IL4I1: variants seen among roughly 807,000 people sequenced by gnomAD.
IL4I1 encodes the protein L-amino-acid oxidase.
In IL4I1, 24 loss-of-function variants were observed where a neutral mutation model predicts 29.7. The observed-to-expected ratio is 0.81, with a 90% CI of 0.59 to 1.14. The LOEUF (loss-of-function observed/expected upper bound fraction) is 1.14, where lower values mean the gene tolerates loss of function less well. Among genes scored for constraint, IL4I1 ranks in the 50% most tolerant of loss-of-function variants. The probability of loss-of-function intolerance (pLI) is 0.00; values close to 1 mark genes in which losing one functional copy is unlikely to be tolerated. For missense variants in IL4I1, 686 were observed against 785.6 expected (o/e 0.87, Z 1.52); for synonymous variants, 371 against 352.5 (o/e 1.05, Z -0.59).
At chr19:49,923,491 T>A (rs1356072805) in intron 2 of IL4I1, among the ~76,000 whole-genome samples, 1 of 152,168 alleles carries the variant, frequency 6.6e-6, no homozygotes, top group Non-Finnish European at 1.5e-5. Context: ...TAGGCAGACA[T>A]CTGCACACGG....
At chr19:49,915,015 C>G (rs1488368038) in intron 2 of IL4I1, among the ~76,000 whole-genome samples, 2 of 152,038 alleles carry the variant, frequency 1.3e-5, no homozygotes, top group African/African-American at 4.8e-5. Context: ...GCTGTGATTA[C>G]AGGAGTGAGC....
chr19:49,911,878 G>C (rs567654414), intron 2 of IL4I1, among the ~76,000 whole-genome samples: 10 of 152,346 alleles, frequency 6.6e-5, no homozygotes, highest in Non-Finnish European at 1.5e-4. Context: ...CCCCAGGACT[G>C]CTGGGGCCTG....
At chr19:49,896,805 C>G in intron 1 of IL4I1, 30 bp downstream of exon 1, 1 of 986,104 alleles carries the variant, frequency 1.0e-6, no homozygotes. Context: ...TCCTGTCTCT[C>G]TGTCCCCCCA....
rs190954440 is a variant in IL4I1 at position 49,913,306 on chromosome 19, G to A, written c.-227-8985C>T. 11 of 152,370 alleles carry A rather than the reference G, an allele frequency of 7.2e-5. No homozygotes were observed. The East Asian group carries it at 1.9e-3, about 27-fold the overall frequency. 9.4% of individuals were successfully genotyped at this position (152,370 alleles called of 1,614,324 possible). On this transcript the variant is annotated intron_variant, in intron 2 of 9. Transcript: ENST00000341114. ...CTGCACATTCCAAAGAGAGAAAATGGCCCTTGACCAGCTCCAGGAGAATCT... is the reference window on the plus strand; with the variant it reads ...CTGCACATTCCAAAGAGAGAAAATGACCCTTGACCAGCTCCAGGAGAATCT...
intron 2 of IL4I1, among the ~76,000 whole-genome samples, chr19:49,915,148 C>T (rs1290742): frequency 0.81 from 123,221 of 151,892 alleles, 50,284 homozygotes; most frequent in East Asian, 0.96. Flanking sequence ...AGGATGTGTG[C>T]TATGTGTGTG....
In IL4I1 at chr19:49,921,437, C is replaced by T. The variant is rs2075762714; in HGVS notation, c.-228+6257G>A. Among the ~76,000 whole-genome samples the T allele has an allele frequency of 6.6e-6, 1 of 152,206 alleles. No homozygotes were observed. The highest frequency in any genetic ancestry group is 6.5e-5 in the Admixed American group (1 of 15,286). On this transcript the variant is annotated intron_variant, in intron 2 of 9. Coordinates refer to the IL4I1 transcript ENST00000341114. The surrounding 1 kb of genome is among the most constrained non-coding windows in gnomAD (Gnocchi z 5.4). ...CTTCCTGGGCCATCTCCATGACCTT[C>T]CAGACCAGCCTGGGCTTCACTCTCA...
chr19:49,916,528 C>T (rs947340484), intron 2 of IL4I1, among the ~76,000 whole-genome samples: 6 of 151,862 alleles, frequency 4.0e-5, no homozygotes, highest in African/African-American at 1.5e-4. Flanking sequence ...AATCCCAGCA[C>T]TTTGGAAGGC....
intron 3 of IL4I1, chr19:49,904,127 C>T (rs945968693): frequency 1.3e-5 from 2 of 152,150 alleles, no homozygotes; most frequent in African/African-American, 4.8e-5. Flanking sequence ...GCATGAGCCA[C>T]CACACCCAGC....
intron 7 of IL4I1, 123 bp downstream of exon 7, chr19:49,890,848 C>T: frequency 1.1e-6 from 1 of 895,510 alleles, no homozygotes; most frequent in African/African-American, 1.7e-5. Context: ...GCCCCGCGAC[C>T]ATCAATTAGG....
chr19:49,916,511 C>T (rs543727552), intron 2 of IL4I1, among the ~76,000 whole-genome samples: 6 of 151,882 alleles, frequency 4.0e-5, no homozygotes, highest in East Asian at 3.9e-4. Flanking sequence ...CGGTGGCTCA[C>T]GCCTGTAATC....
intron 2 of IL4I1, among the ~76,000 whole-genome samples, chr19:49,911,904 A>T (rs999425730): frequency 2.0e-5 from 3 of 152,148 alleles, no homozygotes; most frequent in Non-Finnish European, 4.4e-5. Context: ...GCCTACATCC[A>T]TTCCTCCCGT....
chr19:49,911,149 T>C (rs539824143), intron 2 of IL4I1: 224 of 152,354 alleles, frequency 1.5e-3, no homozygotes, highest in Non-Finnish European at 2.4e-3. Flanking sequence ...CGATCCTCCC[T>C]CTTTGTCCTC....
In IL4I1 at chr19:49,891,047, T is replaced by C; in HGVS notation, c.697A>G (p.Met233Val). Residue 233 changes from methionine to valine, a missense_variant, in exon 7 of 8, where the codon ATG becomes GTG. Coordinates refer to ENST00000391826, the MANE Select transcript of IL4I1 (RefSeq NM_152899.2). The part of the protein sequence containing the change: ...RPAVQLLGDV[M>V]SEDGFFYLSF... ...AGATAGAAGAAGCCATCCTCGGACA[T>C]CACGTCTCCCAGAAGCTGCACGGCC... 1 of 1,611,924 alleles carries C rather than the reference T, an allele frequency of 6.2e-7. No homozygotes were observed. Among genetic ancestry groups the C allele is most frequent in the South Asian group, 1.1e-5 (1 of 91,038 alleles).
chr19:49,891,138 C>A, intron 6 of IL4I1, 31 bp from the exon 7 acceptor site: 3 of 1,603,750 alleles, frequency 1.9e-6, no homozygotes, highest in South Asian at 2.2e-5. Context: ...GAGGTTAGGG[C>A]CCAGGCAGGC....
chr19:49,908,875 G>T, intron 2 of IL4I1: 1 of 1,610,672 alleles, frequency 6.2e-7, no homozygotes, highest in Non-Finnish European at 8.5e-7. Flanking sequence ...CAGGTGGAGC[G>T]GTCACGGCAG....
chr19:49,891,147 G>T, intron 6 of IL4I1, 40 bp from the exon 7 acceptor site: 1 of 1,599,962 alleles, frequency 6.3e-7, no homozygotes, highest in Middle Eastern at 1.7e-4. Context: ...GCCCAGGCAG[G>T]CTGCACCCCT....
Position 49,908,421 on chromosome 19 carries a change from C to T in IL4I1, c.-227-4100G>A, listed in dbSNP as rs760388870. ...AGTGGGTCACTGGTGTCGGCGGGGG[C>T]CCCGGACGTGTTCAGGTGCTCGATG... On this transcript the variant is annotated intron_variant, in intron 2 of 9. Transcript: ENST00000341114. 1.2e-6 allele frequency: 2 copies of T among 1,613,912 alleles called. No homozygotes were observed. The highest frequency in any genetic ancestry group is 1.7e-6 in the Non-Finnish European group (2 of 1,180,042).
At position 49,921,007 on chromosome 19, in the gene IL4I1, C is replaced by T. The variant is rs1044284470; in HGVS notation, c.-228+6687G>A. 1.3e-5 allele frequency among the ~76,000 whole-genome samples: 2 copies of T among 152,092 alleles called. No homozygotes were observed. Among genetic ancestry groups the T allele is most frequent in the African/African-American group, 4.8e-5 (2 of 41,390 alleles). On this transcript the variant is annotated intron_variant, in intron 2 of 9. Coordinates refer to the IL4I1 transcript ENST00000341114. This position sits in a 1 kb window ranked among gnomAD's most constrained non-coding sequence, Gnocchi z 5.4. ...TTCTCTGGGAACCAGGTGAAGGCAGCCAGAAGATGGGGGCAGGGTGGCTTT... is the reference window on the plus strand; with the variant it reads ...TTCTCTGGGAACCAGGTGAAGGCAGTCAGAAGATGGGGGCAGGGTGGCTTT...
upstream of IL4I1, among the ~76,000 whole-genome samples, chr19:49,900,102 G>T (rs945518930): frequency 5.9e-5 from 9 of 152,122 alleles, no homozygotes; most frequent in African/African-American, 2.2e-4. Context: ...CTCCCAGAGT[G>T]CTGGGATTAC....
Sources: gnomAD v4.1 joint callset for allele counts (sites outside exome capture counted in the v4.1 genomes callset) on GRCh38, gnomAD v4.1.1 for gene constraint, Gnocchi (gnomAD v3.1) non-coding constraint, MANE v1.5 for transcripts, NCBI Gene and HGNC (gene_info 2026-07-23, HGNC 2026-07-21) for gene names.